Variants in RASEF observed in about 807,000 individuals in gnomAD.
RASEF encodes ras and EF-hand domain-containing protein.
RASEF carries 68 observed loss-of-function variants against 90.1 expected under a neutral mutation model. The ratio of observed to expected loss-of-function variants is 0.75; its 90% CI spans 0.62 to 0.92. RASEF has a LOEUF of 0.92. Among genes scored for constraint, RASEF ranks in the 40% least tolerant of loss-of-function variants. The probability of loss-of-function intolerance (pLI) is 0.00; values close to 1 mark genes in which losing one functional copy is unlikely to be tolerated. For synonymous variants in RASEF, 331 were observed against 345.2 expected (o/e 0.96, Z 0.46); for missense variants, 949 against 937.2 (o/e 1.01, Z -0.16).
chr9:83,045,689 G>A (rs1384701635), intron 1 of RASEF, among the ~76,000 whole-genome samples: 2 of 152,168 alleles, frequency 1.3e-5, no homozygotes, highest in Non-Finnish European at 1.5e-5. Context: ...GACTCAAGAT[G>A]TTTTTTTAGG....
chr9:82,987,385 TTTAC>T (rs1828728815), intron 16 of RASEF, among the ~76,000 whole-genome samples: 1 of 152,236 alleles, frequency 6.6e-6, no homozygotes, highest in African/African-American at 2.4e-5. Flanking sequence ...ATCTTATTTC[TTTAC>T]TTGTCTAAAG....
At chr9:83,158,555 CATATATACAT>C in the RASEF span, among the ~76,000 whole-genome samples, 8 of 148,612 alleles carry the variant, frequency 5.4e-5, no homozygotes, top group East Asian at 1.6e-3. Flanking sequence ...TACACACACA[CATATATACAT>C]ATATGTATAT....
chr9:83,126,152 A>G, the RASEF span, among the ~76,000 whole-genome samples: 1 of 152,136 alleles, frequency 6.6e-6, no homozygotes, highest in African/African-American at 2.4e-5. Flanking sequence ...AAGTTTCTGT[A>G]CCCCAAAATT....
Position 82,990,402 on chromosome 9 carries a change from C to T in RASEF, c.2106G>A (p.Leu702=), listed in dbSNP as rs768556412. The T allele has an allele frequency of 6.8e-6, 11 of 1,612,742 alleles. No homozygotes were observed. Among genetic ancestry groups the T allele is most frequent in the Middle Eastern group, 1.6e-4 (1 of 6,072 alleles). The change falls in exon 16 of 17, where the codon CTG becomes CTA. Residue 702 remains leucine (L), a synonymous_variant. Coordinates refer to ENST00000376447, the MANE Select transcript of RASEF (RefSeq NM_152573.4). ...TTCCCAAACTTTACCGAGCAAGGTG[C>T]AGAACAGCCTCCACTATGTTAGAAC... is the stretch of plus-strand genomic sequence containing the variant. ...KDGSNIVEAV[L]HLAREVKKRT... is the part of the protein sequence containing the mutation.
intron 16 of RASEF, among the ~76,000 whole-genome samples, chr9:82,989,213 T>C (rs1295712567): frequency 7.1e-6 from 1 of 140,706 alleles, no homozygotes; most frequent in East Asian, 2.4e-4. Flanking sequence ...TATGTATATG[T>C]ATGTGTGCAT....
At chr9:83,081,504 T>C in the RASEF span, among the ~76,000 whole-genome samples, 3 of 152,316 alleles carry the variant, frequency 2.0e-5, no homozygotes, top group South Asian at 2.1e-4. Flanking sequence ...CTGGTTTCTA[T>C]TGAGCATTTT....
At chr9:83,197,646 A>T in the RASEF span, among the ~76,000 whole-genome samples, 1 of 152,330 alleles carries the variant, frequency 6.6e-6, no homozygotes, top group East Asian at 1.9e-4. Flanking sequence ...TACTCTTCCA[A>T]GAGTGATGCT....
At chr9:83,025,961 T>A (rs1829541087) in intron 1 of RASEF, 40 bp from the exon 2 acceptor site, 1 of 1,472,630 alleles carries the variant, frequency 6.8e-7, no homozygotes, top group Non-Finnish European at 9.1e-7. Context: ...AATTATAAAA[T>A]TTTAAAGGCA....
At chr9:83,075,082 T>C in the RASEF span, among the ~76,000 whole-genome samples, 1 of 152,226 alleles carries the variant, frequency 6.6e-6, no homozygotes, top group African/African-American at 2.4e-5. Context: ...CTATGATCAA[T>C]TCTCCTTCAA....
At chr9:82,996,906 A>G in intron 14 of RASEF, 106 bp downstream of exon 14, 1 of 680,834 alleles carries the variant, frequency 1.5e-6, no homozygotes, top group South Asian at 1.7e-5. Context: ...GCTTGGATCA[A>G]TGGTTCCTAA....
the RASEF span, among the ~76,000 whole-genome samples, chr9:83,174,195 A>G: frequency 6.6e-6 from 1 of 151,968 alleles, no homozygotes; most frequent in Admixed American, 6.6e-5. Context: ...TTTGTTGCTT[A>G]TGCTTTTAGT....
chr9:83,005,307 A>T, intron 8 of RASEF, 109 bp downstream of exon 8: 3 of 747,154 alleles, frequency 4.0e-6, no homozygotes, highest in East Asian at 2.6e-5. Context: ...TCTCATTATT[A>T]TAAGGACTTA....
chr9:83,011,579 G>GAAAA (rs1829247775), intron 5 of RASEF, among the ~76,000 whole-genome samples: 10 of 91,322 alleles, frequency 1.1e-4, no homozygotes, highest in South Asian at 3.9e-4. Flanking sequence ...AAAAAAAACT[G>GAAAA]AAATTTTATA....
chr9:83,176,576 T>C, the RASEF span, among the ~76,000 whole-genome samples: 3 of 152,120 alleles, frequency 2.0e-5, no homozygotes, highest in African/African-American at 7.2e-5. Context: ...TAAAGTAACA[T>C]TTTAATTCCT....
intron 1 of RASEF, among the ~76,000 whole-genome samples, chr9:83,034,758 T>C (rs1829708448): frequency 6.6e-6 from 1 of 152,190 alleles, no homozygotes; most frequent in Non-Finnish European, 1.5e-5. Context: ...TGGGTAGATT[T>C]AAATGCTTCC....
At chr9:83,218,624 T>G in the RASEF span, among the ~76,000 whole-genome samples, 1 of 152,106 alleles carries the variant, frequency 6.6e-6, no homozygotes, top group Non-Finnish European at 1.5e-5. Flanking sequence ...AACCAGCACC[T>G]CCAGCCAGGT....
At chr9:83,115,498 C>A in the RASEF span, among the ~76,000 whole-genome samples, 1 of 152,182 alleles carries the variant, frequency 6.6e-6, no homozygotes, top group Non-Finnish European at 1.5e-5. Flanking sequence ...TCCCATCCAA[C>A]AACAGAAGAG....
the RASEF span, among the ~76,000 whole-genome samples, chr9:83,088,691 T>G: frequency 6.6e-6 from 1 of 152,108 alleles, no homozygotes; most frequent in Non-Finnish European, 1.5e-5. Flanking sequence ...AAACATTTTG[T>G]CTTAAAGTCT....
rs1196562237 is a variant in RASEF at position 83,049,105 on chromosome 9, CAG to C, written c.431+13330_431+13331del. ...CACCACTGCACTCCAGCCAGGGTGA[CAG>C]AGTGAGACTCCGTCTCCAAAAAAAA... is the stretch of plus-strand genomic sequence containing the variant. On this transcript the variant is annotated intron_variant, in intron 1 of 16. Coordinates refer to ENST00000376447, the MANE Select transcript of RASEF (RefSeq NM_152573.4). Among the ~76,000 whole-genome samples, 5 of 144,604 alleles carry C rather than the reference CAG, an allele frequency of 3.5e-5. No individual in the cohort carries two copies. In the East Asian group the frequency reaches 1.0e-3, roughly 29 times the overall value. 94.9% of individuals were successfully genotyped at this position (144,604 alleles called of 152,430 possible). A position where few individuals can be genotyped will look rare whatever the true frequency, so the allele number is the denominator to read the frequency against.
Sources: gnomAD v4.1 joint callset for allele counts (sites outside exome capture counted in the v4.1 genomes callset) on GRCh38, gnomAD v4.1.1 for gene constraint, MANE v1.5 for transcripts, NCBI Gene and HGNC (gene_info 2026-07-23, HGNC 2026-07-21) for gene names.